ATP6V1C1: variants seen among roughly 807,000 people sequenced by gnomAD.
ATP6V1C1 encodes the protein V-type proton ATPase subunit C 1.
A neutral mutation model predicts 53.9 loss-of-function variants in ATP6V1C1; 45 were observed. The ratio of observed to expected loss-of-function variants is 0.83; its 90% CI spans 0.66 to 1.07. The LOEUF is 1.07. ATP6V1C1 is among the 50% of genes least tolerant of loss of function. The pLI, the probability that ATP6V1C1 is intolerant of heterozygous loss-of-function variation, is 0.00. For missense variants in ATP6V1C1, 315 were observed against 440.3 expected, an observed-to-expected ratio of 0.72 and a Z score of 2.55; for synonymous variants, 153 against 155.2, an observed-to-expected ratio of 0.99 and a Z score of 0.11.
chr8:103,041,218 G>C (rs1254482709), intron 2 of ATP6V1C1, among the ~76,000 whole-genome samples: 1 of 152,128 alleles, frequency 6.6e-6, no homozygotes, highest in African/African-American at 2.4e-5. Flanking sequence ...TGTTTGATGT[G>C]TTACATTCAC....
In ATP6V1C1 at chr8:103,068,636, T is replaced by C. The variant is rs760368806; in HGVS notation, c.1054-16T>C. On this transcript the variant is annotated splice_polypyrimidine_tract_variant and intron_variant, in intron 12 of 12. Coordinates refer to ENST00000518738, the MANE Select transcript of ATP6V1C1 (RefSeq NM_001695.5). Reference sequence around the variant, plus strand: ...CTGTAAATACAAAATTGAATAATTGTCTGTTTTTTCCATAGGCTCCTATGG... The same window carrying C: ...CTGTAAATACAAAATTGAATAATTGCCTGTTTTTTCCATAGGCTCCTATGG... 4.7e-5 allele frequency: 73 copies of C among 1,551,402 alleles called. No homozygotes were observed. Among genetic ancestry groups the C allele is most frequent in the Non-Finnish European group, 6.2e-5 (71 of 1,141,548 alleles).
Position 103,052,712 on chromosome 8 carries a change from TTC to T in ATP6V1C1, c.382-17_382-16del, listed in dbSNP as rs1817221542. On this transcript the variant is annotated splice_polypyrimidine_tract_variant and intron_variant, in intron 5 of 12. Transcript: ENST00000518738. ...TTTAGGAAAATTTTATCTATTTTTCTTCTTTTTCTTTTTCAAAGGGAGTAACT... is the reference window on the plus strand; with the variant it reads ...TTTAGGAAAATTTTATCTATTTTTCTTTTTTCTTTTTCAAAGGGAGTAACT... The T allele has an allele frequency of 2.0e-6, 3 of 1,522,704 alleles. No individual in the cohort carries two copies. Among genetic ancestry groups the T allele is most frequent in the Non-Finnish European group, 2.7e-6 (3 of 1,131,492 alleles). 94.3% of individuals were successfully genotyped at this position (1,522,704 alleles called of 1,614,324 possible).
At chr8:103,036,151 C>CA (rs1816895173) in intron 1 of ATP6V1C1, among the ~76,000 whole-genome samples, 1 of 152,174 alleles carries the variant, frequency 6.6e-6, no homozygotes, top group Non-Finnish European at 1.5e-5. Flanking sequence ...CCTAGTGTGA[C>CA]ACAATAGAGA....
chr8:103,069,259 G>A lies in ATP6V1C1; in HGVS notation c.*512G>A, dbSNP rs760678137. The A allele has an allele frequency of 6.6e-6, 1 of 152,210 alleles. No individual in the cohort carries two copies. Among genetic ancestry groups the A allele is most frequent in the Non-Finnish European group, 1.5e-5 (1 of 68,054 alleles). The allele number at this position is 152,210 out of a possible 1,614,324, so 9.4% of individuals were successfully genotyped here. On this transcript the variant is annotated 3_prime_UTR_variant, in exon 13 of 13. Coordinates refer to ENST00000518738, the MANE Select transcript of ATP6V1C1 (RefSeq NM_001695.5). Reference sequence around the variant, plus strand: ...GAGCACTGTCAACACCCACAGGAGAGAATAAAATTACCTGTGCAAAGGTGT... The same window carrying A: ...GAGCACTGTCAACACCCACAGGAGAAAATAAAATTACCTGTGCAAAGGTGT...
chr8:103,052,059 T>C (rs780408083), intron 5 of ATP6V1C1, among the ~76,000 whole-genome samples: 11 of 152,112 alleles, frequency 7.2e-5, no homozygotes. Context: ...GTTCTTACTA[T>C]GACTGAGCCT....
chr8:103,053,736 G>A, intron 6 of ATP6V1C1, 148 bp from the exon 7 acceptor site: 1 of 586,292 alleles, frequency 1.7e-6, no homozygotes, highest in Non-Finnish European at 2.9e-6. Flanking sequence ...CAGCTAAATG[G>A]TGACTTCTTA....
At chr8:103,062,175 T>TG (rs1253483820) in intron 8 of ATP6V1C1, among the ~76,000 whole-genome samples, 16 of 133,498 alleles carry the variant, frequency 1.2e-4, no homozygotes, top group African/African-American at 4.0e-4. Flanking sequence ...TTTTTTTTTT[T>TG]TTTTTTTTTT....
At chr8:103,048,819 G>C in intron 3 of ATP6V1C1, 51 bp from the exon 4 acceptor site, 1 of 1,485,810 alleles carries the variant, frequency 6.7e-7, no homozygotes, top group Non-Finnish European at 9.4e-7. Flanking sequence ...GTATAGAATG[G>C]AATTTAGATC....
intron 3 of ATP6V1C1, among the ~76,000 whole-genome samples, chr8:103,047,464 A>ACACACACAT (rs137856477): frequency 0.024 from 2,973 of 124,582 alleles, 41 homozygotes; most frequent in South Asian, 0.042. Context: ...ACACACACAC[A>ACACACACAT]TTTTTTTTTT....
chr8:103,040,188 T>C (rs183134764), intron 1 of ATP6V1C1, among the ~76,000 whole-genome samples: 1 of 152,056 alleles, frequency 6.6e-6, no homozygotes, highest in Non-Finnish European at 1.5e-5. Flanking sequence ...TTGGGTGTGG[T>C]GGATCACTTG....
At position 103,071,052 on chromosome 8, in the gene ATP6V1C1, T is replaced by G. The variant is rs1817578603; in HGVS notation, c.*2305T>G. 1 of 152,234 alleles carries G rather than the reference T, an allele frequency of 6.6e-6. No homozygotes were observed. Among genetic ancestry groups the G allele is most frequent in the Non-Finnish European group, 1.5e-5 (1 of 68,060 alleles). 9.4% of individuals were successfully genotyped at this position (152,234 alleles called of 1,614,324 possible). A position where few individuals can be genotyped will look rare whatever the true frequency, so the allele number is the denominator to read the frequency against. Reference sequence around the variant, plus strand: ...TGTGTTTAATTTGGGAAAATCCAGATCCACATCATTGTAGAGTCTGAGGGT... The same window carrying G: ...TGTGTTTAATTTGGGAAAATCCAGAGCCACATCATTGTAGAGTCTGAGGGT... On this transcript the variant is annotated 3_prime_UTR_variant, in exon 13 of 13. Transcript: ENST00000518738.
intron 8 of ATP6V1C1, among the ~76,000 whole-genome samples, chr8:103,062,035 G>A (rs992730263): frequency 6.6e-6 from 1 of 152,094 alleles, no homozygotes; most frequent in African/African-American, 2.4e-5. Context: ...TTCTAGTGAT[G>A]TCCATGGAGC....
Position 103,048,882 on chromosome 8 carries a change from A to G in ATP6V1C1, c.213A>G (p.Lys71=). The G allele has an allele frequency of 1.2e-6, 2 of 1,613,124 alleles. No individual in the cohort carries two copies. The highest frequency in any genetic ancestry group is 1.1e-5 in the South Asian group (1 of 90,970). ...TTTTCTTCCCCAGAGTGGTTAAGAA[A>G]GTAGCTCAATACATGGCTGATGTAT... ...LDAFVEGVVK[K]VAQYMADVLE... Residue 71 remains lysine, a synonymous_variant, in exon 4 of 13, where the codon AAA becomes AAG. Coordinates refer to ENST00000518738, the MANE Select transcript of ATP6V1C1 (RefSeq NM_001695.5).
rs1817589151 is a variant in ATP6V1C1 at position 103,071,659 on chromosome 8, T to G, written c.*2912T>G. On this transcript the variant is annotated 3_prime_UTR_variant, in exon 13 of 13. Transcript: ENST00000518738. ...CAAGGTCTTGCTCTGTCACCCAGGC[T>G]AGAGTGCAGTGGCATGATCAGGGCT... The G allele has an allele frequency of 6.6e-6, 1 of 152,434 alleles. No homozygotes were observed. The highest frequency in any genetic ancestry group is 2.1e-4 in the South Asian group (1 of 4,840). The allele number at this position is 152,434 out of a possible 1,614,324, so 9.4% of individuals were successfully genotyped here. A position where few individuals can be genotyped will look rare whatever the true frequency, so the allele number is the denominator to read the frequency against.
Position 103,066,360 on chromosome 8 carries a change from G to T in ATP6V1C1, c.966G>T (p.Gln322His), listed in dbSNP as rs775685239. ...TGAACTTCCAAGCAATGCTACTTCA[G>T]CCCAATAAGAAAACTTTGAAGAAAC... Reference protein sequence around the residue: ...LPVNFQAMLLQPNKKTLKKLR... With the variant: ...LPVNFQAMLLHPNKKTLKKLR... The change falls in exon 12 of 13, where the codon CAG becomes CAT. Residue 322 changes from glutamine (Q) to histidine (H), a missense_variant. Gln to His is a conservative substitution (Grantham distance 24, BLOSUM62 0). Coordinates refer to ENST00000518738, the MANE Select transcript of ATP6V1C1 (RefSeq NM_001695.5). 3 of 1,613,360 alleles carry T rather than the reference G, an allele frequency of 1.9e-6. No homozygotes were observed. The highest frequency in any genetic ancestry group is 1.7e-4 in the Middle Eastern group (1 of 6,058).
chr8:103,050,357 A>G (rs1051652709), intron 4 of ATP6V1C1, among the ~76,000 whole-genome samples: 3 of 152,248 alleles, frequency 2.0e-5, no homozygotes, highest in African/African-American at 7.2e-5. Flanking sequence ...TGGAAATACC[A>G]TCCGTGTTGT....
At chr8:103,062,598 T>G (rs563124344) in intron 8 of ATP6V1C1, among the ~76,000 whole-genome samples, 14 of 152,118 alleles carry the variant, frequency 9.2e-5, no homozygotes, top group Non-Finnish European at 2.1e-4. Flanking sequence ...AAGAAAGAAT[T>G]AGGCTTCCAG....
chr8:103,055,499 C>T (rs1817275196), intron 7 of ATP6V1C1, among the ~76,000 whole-genome samples: 1 of 152,032 alleles, frequency 6.6e-6, no homozygotes, highest in South Asian at 2.1e-4. Flanking sequence ...ATAATGGCCA[C>T]TGAGCAGGAA....
chr8:103,036,729 A>AT (rs1816904696), intron 1 of ATP6V1C1, among the ~76,000 whole-genome samples: 1 of 152,106 alleles, frequency 6.6e-6, no homozygotes, highest in African/African-American at 2.4e-5. Context: ...AGAAGAAAAG[A>AT]TTTTCTGGAA....
Sources: allele counts gnomAD v4.1 joint callset (sites outside exome capture counted in the v4.1 genomes callset), GRCh38; gene constraint gnomAD v4.1.1; transcripts MANE v1.5; gene names NCBI Gene and HGNC (gene_info 2026-07-23, HGNC 2026-07-21).